STK31: variants seen among roughly 807,000 people sequenced by gnomAD.
STK31 encodes the protein serine/threonine kinase 31, also known as serine/threonine-protein kinase 31.
A neutral mutation model predicts 129.7 loss-of-function variants in STK31; 89 were observed. The ratio of observed to expected loss-of-function variants is 0.69; its 90% CI spans 0.58 to 0.82. The LOEUF is 0.82. Ranked by LOEUF, STK31 falls within the 40% of genes least tolerant of loss-of-function variation. The pLI, the probability that STK31 is intolerant of heterozygous loss-of-function variation, is 0.00. For synonymous variants in STK31, 448 were observed against 395.3 expected, an observed-to-expected ratio of 1.13 and a Z score of -1.58; for missense variants, 1,187 against 1,176.4, an observed-to-expected ratio of 1.01 and a Z score of -0.13.
At chr7:23,768,920 CT>C in intron 11 of STK31, 74 bp from the exon 12 acceptor site, 1 of 1,253,386 alleles carries the variant, frequency 8.0e-7, no homozygotes, top group Non-Finnish European at 1.1e-6. Context: ...TTTTCTACCC[CT>C]TAGATCCTAA....
At chr7:23,738,976 C>A (rs977793009) in intron 8 of STK31, among the ~76,000 whole-genome samples, 5 of 152,120 alleles carry the variant, frequency 3.3e-5, no homozygotes, top group African/African-American at 1.2e-4. Context: ...ATTTATAATC[C>A]TTTGGGTATA....
chr7:23,759,081 G>A (rs1789287972), intron 10 of STK31, among the ~76,000 whole-genome samples: 1 of 152,204 alleles, frequency 6.6e-6, no homozygotes, highest in Middle Eastern at 3.2e-3. Context: ...TCAACAAGAA[G>A]AGGTGACTAT....
intron 15 of STK31, among the ~76,000 whole-genome samples, chr7:23,779,719 G>T (rs1313819519): frequency 2.0e-5 from 3 of 152,208 alleles, no homozygotes; most frequent in Non-Finnish European, 4.4e-5. Flanking sequence ...GTTGACTTCA[G>T]ACTGCCATGC....
At chr7:23,744,475 G>A (rs551197513) in intron 8 of STK31, among the ~76,000 whole-genome samples, 2 of 152,064 alleles carry the variant, frequency 1.3e-5, no homozygotes, top group South Asian at 2.1e-4. Context: ...ATCTGTTGGT[G>A]GAGAATTACT....
chr7:23,809,768 C>T (rs965311727), intron 22 of STK31, among the ~76,000 whole-genome samples: 70 of 152,162 alleles, frequency 4.6e-4, no homozygotes, highest in Non-Finnish European at 9.4e-4. Flanking sequence ...TAAAGTGCTC[C>T]TTCCCCAGTG....
intron 8 of STK31, among the ~76,000 whole-genome samples, chr7:23,746,999 TG>T (rs1482014191): frequency 2.6e-5 from 4 of 152,142 alleles, no homozygotes; most frequent in Non-Finnish European, 5.9e-5. Flanking sequence ...TGTTTGTAAG[TG>T]GATCTGTGCA....
chr7:23,772,277 A>G lies in STK31; in HGVS notation c.1964A>G (p.Glu655Gly). 8 of 1,601,976 alleles carry G rather than the reference A, an allele frequency of 5.0e-6. No homozygotes were observed. Among genetic ancestry groups the G allele is most frequent in the Non-Finnish European group, 6.8e-6 (8 of 1,176,260 alleles). ...WKLVEKSNLE[E>G]SDDPDGSQIE... ...TTGGTTGAAAAGAGTAATTTGGAAG[A>G]GGTAAGGAAACAGTTGTTTCTTACT... Residue 655 changes from glutamate to glycine, a missense_variant and splice_region_variant, in exon 15 of 24, where the codon GAG (glutamate) becomes GGG (glycine). Physicochemically the swap from Glu to Gly is moderately conservative, Grantham distance 98. This residue lies in a region of STK31 where 975 missense variants were observed against 934.9 expected (regional missense o/e 1.04). Coordinates refer to ENST00000355870, the MANE Select transcript of STK31 (RefSeq NM_031414.5).
At chr7:23,769,305 C>A in intron 12 of STK31, 131 bp downstream of exon 12, 2 of 801,608 alleles carry the variant, frequency 2.5e-6, no homozygotes, top group South Asian at 4.2e-5. Flanking sequence ...GCCACCTTAC[C>A]AGTCAAGGTT....
chr7:23,778,189 T>C (rs973961939), intron 15 of STK31, among the ~76,000 whole-genome samples: 8 of 152,202 alleles, frequency 5.3e-5, no homozygotes, highest in African/African-American at 1.9e-4. Context: ...CATTGTACAG[T>C]TTCTGCAGAG....
In STK31 at chr7:23,717,472, T is replaced by C. The variant is rs1744931832; in HGVS notation, c.151-9T>C. ...TTACTGTATCTTATACTATATCTAA[T>C]CTTTCTAGAGTATCAATAGAAATAA... is the stretch of plus-strand genomic sequence containing the variant. On this transcript the variant is annotated splice_polypyrimidine_tract_variant and intron_variant, in intron 3 of 23. Transcript: ENST00000355870. 7 of 1,576,382 alleles carry C rather than the reference T, an allele frequency of 4.4e-6. No individual in the cohort carries two copies. The highest frequency in any genetic ancestry group is 6.1e-6 in the Non-Finnish European group (7 of 1,148,644).
intron 23 of STK31, among the ~76,000 whole-genome samples, chr7:23,826,368 C>T (rs1399948411): frequency 1.3e-5 from 2 of 152,002 alleles, no homozygotes; most frequent in Non-Finnish European, 2.9e-5. Context: ...TTCTTTGTCT[C>T]TTTTGATCTT....
chr7:23,798,992 A>G (rs929517480), intron 22 of STK31, among the ~76,000 whole-genome samples: 4 of 152,232 alleles, frequency 2.6e-5, no homozygotes, highest in African/African-American at 4.8e-5. Flanking sequence ...CCCATTCACA[A>G]TTGCTACAAA....
chr7:23,815,073 C>A, intron 22 of STK31, 71 bp from the exon 23 acceptor site: 1 of 1,110,352 alleles, frequency 9.0e-7, no homozygotes, highest in South Asian at 1.7e-5. Context: ...TCTGAAGTTC[C>A]AGAGTTGACT....
chr7:23,710,330 T>C lies in STK31; in HGVS notation c.45T>C (p.Ser15=). The C allele has an allele frequency of 6.2e-7, 1 of 1,613,196 alleles. No homozygotes were observed. Among genetic ancestry groups the C allele is most frequent in the Non-Finnish European group, 8.5e-7 (1 of 1,179,880 alleles). ...CTTCTAGAGCTTCCGCAACGGAAAG[T>C]GTGAGGTCAGTAGTAGTTTTTGTGG... ...GHSSRASATE[S]VSFSGIVQMD... Residue 15 remains serine, a synonymous_variant, in exon 1 of 24, where the codon AGT becomes AGC. Transcript: ENST00000355870.
intron 5 of STK31, 74 bp from the exon 6 acceptor site, chr7:23,729,017 G>C (rs1787243582): frequency 7.3e-7 from 1 of 1,376,100 alleles, no homozygotes; most frequent in Non-Finnish European, 9.7e-7. Flanking sequence ...TTAACAGAGA[G>C]CAGCAAATTG....
intron 18 of STK31, among the ~76,000 whole-genome samples, chr7:23,786,009 A>G (rs896244114): frequency 2.0e-5 from 3 of 152,126 alleles, no homozygotes; most frequent in African/African-American, 7.2e-5. Context: ...AAATAAGTAT[A>G]TAAAAGTCAT....
chr7:23,758,904 G>T (rs1189635106), intron 10 of STK31, among the ~76,000 whole-genome samples: 3 of 152,010 alleles, frequency 2.0e-5, no homozygotes, highest in Non-Finnish European at 2.9e-5. Flanking sequence ...CCCATCTTCC[G>T]CACAAAAACA....
intron 15 of STK31, among the ~76,000 whole-genome samples, chr7:23,779,709 G>T (rs1228208011): frequency 6.6e-6 from 1 of 152,130 alleles, no homozygotes; most frequent in Non-Finnish European, 1.5e-5. Flanking sequence ...AGTGACCCAG[G>T]TTGACTTCAG....
In STK31 at chr7:23,788,020, A is replaced by G. The variant is rs748888341; in HGVS notation, c.2528A>G (p.His843Arg). 7 of 1,610,282 alleles carry G rather than the reference A, an allele frequency of 4.3e-6. No homozygotes were observed. The East Asian group carries it at 6.7e-5, about 15-fold the overall frequency. ...ATGAAAGGTGTTGCCCAGGGTCTGC[A>G]TACATTGCATAAGGCTGACATAATT... is the stretch of plus-strand genomic sequence containing the variant. ...KVMKGVAQGL[H>R]TLHKADIIHG... Residue 843 changes from histidine to arginine, a missense_variant, in exon 21 of 24, where the codon CAT becomes CGT. Physicochemically the swap from His to Arg is conservative, Grantham distance 29. Coordinates refer to ENST00000355870, the MANE Select transcript of STK31 (RefSeq NM_031414.5).
Sources: allele counts gnomAD v4.1 joint callset (sites outside exome capture counted in the v4.1 genomes callset), GRCh38; gene constraint gnomAD v4.1.1; regional missense constraint gnomAD v4.1.1; transcripts MANE v1.5; gene names NCBI Gene and HGNC (gene_info 2026-07-23, HGNC 2026-07-21).